PRKCE: variants seen among roughly 807,000 people sequenced by gnomAD.
The protein encoded by PRKCE is protein kinase C epsilon.
PRKCE carries 16 observed loss-of-function variants against 85.4 expected under a neutral mutation model. That is an observed-to-expected ratio of 0.19 (90% confidence interval 0.13 to 0.28). The LOEUF (loss-of-function observed/expected upper bound fraction) is 0.28. Ranked by LOEUF, PRKCE falls within the 10% of genes least tolerant of loss-of-function variation. The pLI is 1.00. For synonymous variants in PRKCE, 388 were observed against 371.5 expected (o/e 1.04, Z -0.51); for missense variants, 573 against 975.2 (o/e 0.59, Z 5.49).
chr2:45,687,177 A>T (rs550736394), intron 1 of PRKCE, among the ~76,000 whole-genome samples: 1 of 152,258 alleles, frequency 6.6e-6, no homozygotes, highest in South Asian at 2.1e-4. Context: ...AACATAAACA[A>T]AGTCAAAAGA....
intron 1 of PRKCE, among the ~76,000 whole-genome samples, chr2:45,769,263 G>A (rs978263829): frequency 6.6e-6 from 1 of 152,118 alleles, no homozygotes; most frequent in African/African-American, 2.4e-5. Flanking sequence ...TCAAAACTGT[G>A]AGTCAAGCTG....
chr2:45,808,026 T>C (rs754125573), intron 1 of PRKCE, among the ~76,000 whole-genome samples: 5 of 152,148 alleles, frequency 3.3e-5, no homozygotes, highest in Non-Finnish European at 7.3e-5. Flanking sequence ...CCTCCAAGGC[T>C]GCCCACAGAT....
chr2:45,806,940 G>A (rs1688289211), intron 1 of PRKCE, among the ~76,000 whole-genome samples: 1 of 152,186 alleles, frequency 6.6e-6, no homozygotes, highest in Non-Finnish European at 1.5e-5. Flanking sequence ...CCCTGAGGAT[G>A]TTTTGCCTAG....
chr2:46,169,720 A>C (rs1678705441), intron 14 of PRKCE, among the ~76,000 whole-genome samples: 1 of 152,174 alleles, frequency 6.6e-6, no homozygotes, highest in Non-Finnish European at 1.5e-5. Flanking sequence ...CATATCAGCT[A>C]GTGTTGGCAG....
intron 1 of PRKCE, among the ~76,000 whole-genome samples, chr2:45,768,477 G>C (rs944681524): frequency 2.0e-5 from 3 of 152,136 alleles, no homozygotes; most frequent in Non-Finnish European, 4.4e-5. Flanking sequence ...GGACATTTTA[G>C]CTTTCCCTTC....
intron 7 of PRKCE, among the ~76,000 whole-genome samples, chr2:46,002,232 T>C (rs1166456399): frequency 6.6e-6 from 1 of 152,228 alleles, no homozygotes; most frequent in Non-Finnish European, 1.5e-5. Flanking sequence ...GCTCCTAGCC[T>C]AGAAAATTTA....
chr2:45,974,104 G>A (rs955827296), intron 2 of PRKCE, among the ~76,000 whole-genome samples: 38 of 152,196 alleles, frequency 2.5e-4, no homozygotes, highest in Non-Finnish European at 4.4e-5. Flanking sequence ...TAGCAAGTAA[G>A]GGCTACTGAA....
chr2:45,936,733 G>C (rs896292446), intron 2 of PRKCE, among the ~76,000 whole-genome samples: 2 of 152,164 alleles, frequency 1.3e-5, no homozygotes, highest in African/African-American at 4.8e-5. Flanking sequence ...GCGCCTTAAG[G>C]CCTCATTTAA....
intron 1 of PRKCE, among the ~76,000 whole-genome samples, chr2:45,801,360 G>A (rs1440160919): frequency 3.3e-5 from 5 of 149,864 alleles, no homozygotes; most frequent in Admixed American, 6.7e-5. Context: ...GAGAAGGCCA[G>A]AGGAGGGAAT....
intron 1 of PRKCE, among the ~76,000 whole-genome samples, chr2:45,795,129 C>T (rs940445751): frequency 6.6e-6 from 1 of 152,134 alleles, no homozygotes; most frequent in Non-Finnish European, 1.5e-5. Flanking sequence ...CTGCAGCATC[C>T]ATGCTGATGA....
intron 2 of PRKCE, among the ~76,000 whole-genome samples, chr2:45,953,219 C>T (rs1255821630): frequency 6.6e-6 from 1 of 152,128 alleles, no homozygotes; most frequent in Non-Finnish European, 1.5e-5. Context: ...CCTAGAGGAT[C>T]TCAGAACCAG....
intron 2 of PRKCE, among the ~76,000 whole-genome samples, chr2:45,857,073 T>A (rs1692738302): frequency 6.6e-6 from 1 of 152,188 alleles, no homozygotes; most frequent in Non-Finnish European, 1.5e-5. Context: ...TACCCAGTAG[T>A]GGGATTGCTG....
intron 1 of PRKCE, among the ~76,000 whole-genome samples, chr2:45,691,313 G>A (rs1677709283): frequency 6.6e-6 from 1 of 152,216 alleles, no homozygotes; most frequent in South Asian, 2.1e-4. Flanking sequence ...CTGGTCTGCA[G>A]TGTCTCCAGA....
chr2:45,774,423 G>C lies in PRKCE; in HGVS notation c.349-68577G>C, dbSNP rs1685589127. On this transcript the variant is annotated intron_variant, in intron 1 of 14. Coordinates refer to ENST00000306156, the MANE Select transcript of PRKCE (RefSeq NM_005400.3). This position sits in a 1 kb window ranked among gnomAD's most constrained non-coding sequence, Gnocchi z 4.3. ...AGAGTCCCGTCAGAGGCCTGTACAG[G>C]CAAACTCAGCATCAGCACGGCTTTA... 6.6e-6 allele frequency among the ~76,000 whole-genome samples: 1 copy of C among 152,178 alleles called. No individual in the cohort carries two copies. The highest frequency in any genetic ancestry group is 2.4e-5 in the African/African-American group (1 of 41,440).
chr2:45,899,152 C>T (rs1345463465), intron 2 of PRKCE, among the ~76,000 whole-genome samples: 3 of 152,174 alleles, frequency 2.0e-5, no homozygotes, highest in African/African-American at 7.2e-5. Context: ...TGGCTGGTGG[C>T]CTCATTCCCT....
chr2:46,034,419 G>A (rs985176877), intron 10 of PRKCE, among the ~76,000 whole-genome samples: 10 of 152,202 alleles, frequency 6.6e-5, no homozygotes, highest in East Asian at 3.8e-4. Flanking sequence ...CTGTGTGCCC[G>A]TGTTTGCATA....
chr2:46,141,809 C>T (rs892365640), intron 11 of PRKCE, among the ~76,000 whole-genome samples: 21 of 152,230 alleles, frequency 1.4e-4, no homozygotes, highest in African/African-American at 4.8e-4. Flanking sequence ...TTTGCAAAGC[C>T]GTCAGTCTCC....
intron 1 of PRKCE, among the ~76,000 whole-genome samples, chr2:45,801,206 C>T (rs946153878): frequency 6.6e-6 from 1 of 152,116 alleles, no homozygotes; most frequent in African/African-American, 2.4e-5. Flanking sequence ...AGGAGATCTT[C>T]CTTTGATCTC....
At chr2:46,009,857 T>C (rs1175492106) in intron 9 of PRKCE, among the ~76,000 whole-genome samples, 1 of 152,242 alleles carries the variant, frequency 6.6e-6, no homozygotes, top group Non-Finnish European at 1.5e-5. Context: ...TAATGTTCAG[T>C]TAAAAATAGT....
Sources: allele counts gnomAD v4.1 joint callset (sites outside exome capture counted in the v4.1 genomes callset), GRCh38; gene constraint gnomAD v4.1.1; non-coding constraint Gnocchi (gnomAD v3.1); transcripts MANE v1.5; gene names NCBI Gene and HGNC (gene_info 2026-07-23, HGNC 2026-07-21).